MUC5AC: variants seen among roughly 807,000 people sequenced by gnomAD.
MUC5AC encodes mucin 5AC, oligomeric mucus/gel-forming.
In MUC5AC, 158 loss-of-function variants were observed where a neutral mutation model predicts 169.7. That is an observed-to-expected ratio of 0.93 (90% CI 0.82 to 1.06). The LOEUF (loss-of-function observed/expected upper bound fraction) is 1.06, where lower values mean the gene tolerates loss of function less well. Ranked by LOEUF, MUC5AC falls within the 50% of genes least tolerant of loss-of-function variation. The pLI, the probability that MUC5AC is intolerant of heterozygous loss-of-function variation, is 0.00. For synonymous variants in MUC5AC, 1,975 were observed against 1,237.0 expected (o/e 1.60, Z -12.52); for missense variants, 4,359 against 3,089.9 (o/e 1.41, Z -9.74).
In MUC5AC at chr11:1,165,704, A is replaced by G. The variant is rs1860302513; in HGVS notation, c.1330A>G (p.Thr444Ala). 1 of 1,612,468 alleles carries G rather than the reference A, an allele frequency of 6.2e-7. No homozygotes were observed. Reference sequence around the variant, plus strand: ...TGTGCTTGGAGGTGCCCACTTCTCAACGTTTGACGGGAAGCAATACACGGT... The same window carrying G: ...TGTGCTTGGAGGTGCCCACTTCTCAGCGTTTGACGGGAAGCAATACACGGT... ...CSVLGGAHFS[T>A]FDGKQYTVHG... The change falls in exon 11 of 49, where the codon ACG becomes GCG. Residue 444 changes from threonine to alanine, a missense_variant. Thr to Ala is a moderately conservative substitution (Grantham distance 58). Coordinates refer to ENST00000621226, the MANE Select transcript of MUC5AC (RefSeq NM_001304359.2).
intron 11 of MUC5AC, 25 bp downstream of exon 11, chr11:1,165,785 T>G (rs1860306001): frequency 6.2e-7 from 1 of 1,610,164 alleles, no homozygotes; most frequent in East Asian, 2.2e-5. Flanking sequence ...CCTGGGGTGC[T>G]CGCCGGACAG....
Position 1,189,400 on chromosome 11 carries a change from C to G in MUC5AC, c.11255C>G (p.Thr3752Arg). The change falls in exon 31 of 49, where the codon ACA becomes AGA. Residue 3752 changes from threonine (T) to arginine (R), a missense_variant. By Grantham distance (71) the Thr-to-Arg change is moderately conservative. Coordinates refer to ENST00000621226, the MANE Select transcript of MUC5AC (RefSeq NM_001304359.2). ...TSTISAPTTS[T>R]TSAPTASTTS... ...ACAATCTCTGCCCCTACAACCAGCA[C>G]AACCTCTGCTCCCACAGCCAGCACA... 2 of 577,424 alleles carry G rather than the reference C, an allele frequency of 3.5e-6. No homozygotes were observed. The highest frequency in any genetic ancestry group is 6.1e-6 in the Non-Finnish European group (2 of 325,950). The allele number at this position is 577,424 out of a possible 1,614,324, so 35.8% of individuals were successfully genotyped here.
In MUC5AC at chr11:1,185,222, CCCTACAACCAGCACAACCTCTGCT is replaced by C. The variant is rs1860908741; in HGVS notation, c.7101_7124del (p.Pro2368_Ala2375del). 1.7e-5 allele frequency: 12 copies of C among 720,636 alleles called. No individual in the cohort carries two copies. The highest frequency in any genetic ancestry group is 3.7e-5 in the African/African-American group (2 of 54,528). The allele number at this position is 720,636 out of a possible 1,614,324, so 44.6% of individuals were successfully genotyped here. On this transcript the variant is annotated inframe_deletion, in exon 31 of 49. Transcript: ENST00000621226. Reference sequence around the variant, plus strand: ...TTCCTACCACCAGCATAACCTCTGCCCCTACAACCAGCACAACCTCTGCTCCTACAACCAGCACAACCTCTGCCC... The same window carrying C: ...TTCCTACCACCAGCATAACCTCTGCCCCTACAACCAGCACAACCTCTGCCC...
At position 1,174,494 on chromosome 11, in the gene MUC5AC, A is replaced by C. The variant is rs1187969505; in HGVS notation, c.1966-2A>C. ...ATGCCCCGATGACCCCCTTCCCTGCAGAACTGCATGTTTGACACCTGCAAC... is the reference window on the plus strand; with the variant it reads ...ATGCCCCGATGACCCCCTTCCCTGCCGAACTGCATGTTTGACACCTGCAAC... On this transcript the variant is annotated splice_acceptor_variant, in intron 16 of 48. Coordinates refer to ENST00000621226, the MANE Select transcript of MUC5AC (RefSeq NM_001304359.2). LOFTEE classifies it high-confidence loss of function. The C allele has an allele frequency of 1.3e-6, 2 of 1,542,228 alleles. No homozygotes were observed. Among genetic ancestry groups the C allele is most frequent in the African/African-American group, 2.7e-5 (2 of 73,148 alleles).
chr11:1,199,919 G>A lies in MUC5AC; in HGVS notation c.16650G>A (p.Glu5550=), dbSNP rs761564347. The A allele has an allele frequency of 4.2e-5, 32 of 764,538 alleles. No homozygotes were observed. The South Asian group carries it at 4.3e-4, about 10-fold the overall frequency. The allele number at this position is 764,538 out of a possible 1,614,324, so 47.4% of individuals were successfully genotyped here. The part of the protein sequence containing the change: ...IIQQQGCSSS[E]PVRLAYCRGN... ...AGCAGCAGGGCTGCAGCTCCTCGGA[G>A]CCCGTGCGCCTGGCTTACTGCCGGG... Residue 5550 remains glutamate (E), a synonymous_variant, in exon 48 of 49, where the codon GAG becomes GAA. Coordinates refer to ENST00000621226, the MANE Select transcript of MUC5AC (RefSeq NM_001304359.2).
At chr11:1,171,890 C>T (rs1459529812) in intron 15 of MUC5AC, among the ~76,000 whole-genome samples, 1 of 116,646 alleles carries the variant, frequency 8.6e-6, no homozygotes, top group Non-Finnish European at 1.7e-5. Context: ...CACTCACCCA[C>T]TCGCTCACCC....
In MUC5AC at chr11:1,165,331, G is replaced by A. The variant is rs374295214; in HGVS notation, c.1159G>A (p.Gly387Ser). Residue 387 changes from glycine to serine, a missense_variant, in exon 10 of 49, where the codon GGC becomes AGC. Gly to Ser is a moderately conservative substitution (Grantham distance 56, BLOSUM62 0). Transcript: ENST00000621226. ...GGTGCTTGACGACATCGGCCAGACC[G>A]GCTGTGTCCCTGTGTCAAAGTGTGC... ...GTVLDDIGQT[G>S]CVPVSKCACV... is the part of the protein sequence containing the mutation. 2.4e-5 allele frequency: 39 copies of A among 1,612,134 alleles called. No individual in the cohort carries two copies. The highest frequency in any genetic ancestry group is 2.4e-4 in the African/African-American group (18 of 74,918).
In MUC5AC at chr11:1,158,003, A is replaced by C. The variant is rs1347423123; in HGVS notation, c.4A>C (p.Ser2Arg). Reference sequence around the variant, plus strand: ...ACTCTTCCCCGCCGTCCACACAATGAGTGTTGGCCGGAGGAAGCTGGCCCT... The same window carrying C: ...ACTCTTCCCCGCCGTCCACACAATGCGTGTTGGCCGGAGGAAGCTGGCCCT... Reference protein sequence around the residue: MSVGRRKLALLW... With the variant: MRVGRRKLALLW... Residue 2 changes from serine (S) to arginine (R), a missense_variant, in exon 1 of 49, where the codon AGT becomes CGT. By Grantham distance (110) the Ser-to-Arg change is moderately radical. Transcript: ENST00000621226. The C allele has an allele frequency of 5.6e-6, 9 of 1,598,044 alleles. No individual in the cohort carries two copies. Among genetic ancestry groups the C allele is most frequent in the Non-Finnish European group, 7.7e-6 (9 of 1,173,696 alleles).
Position 1,184,682 on chromosome 11 carries a change from C to T in MUC5AC, c.6537C>T (p.Gly2179=). 4 of 667,182 alleles carry T rather than the reference C, an allele frequency of 6.0e-6. No individual in the cohort carries two copies. Among genetic ancestry groups the T allele is most frequent in the Admixed American group, 4.4e-5 (2 of 45,012 alleles). 41.3% of individuals were successfully genotyped at this position (667,182 alleles called of 1,614,324 possible). The part of the protein sequence containing the change: ...SHPEVSIEHL[G]QVVQCSREEG... ...CAGAGGTGAGCATCGAACACCTGGG[C>T]CAGGTGGTGCAGTGCAGCCGGGAAG... Residue 2179 remains glycine (G), a synonymous_variant, in exon 31 of 49, where the codon GGC becomes GGT. Transcript: ENST00000621226.
chr11:1,165,939 G>C (rs1302650079), intron 11 of MUC5AC, among the ~76,000 whole-genome samples, 179 bp downstream of exon 11: 1 of 152,186 alleles, frequency 6.6e-6, no homozygotes, highest in Non-Finnish European at 1.5e-5. Flanking sequence ...ACAGGGCCAT[G>C]AAGGCTGCAG....
At chr11:1,160,726 C>A (rs1031150730) in intron 2 of MUC5AC, 37 bp downstream of exon 2, 10 of 1,578,516 alleles carry the variant, frequency 6.3e-6, no homozygotes, top group Non-Finnish European at 8.6e-6. Flanking sequence ...CTAAGCCTGT[C>A]AGATTCCACC....
chr11:1,164,085 G>A lies in MUC5AC; in HGVS notation c.790-21G>A, dbSNP rs371674944. ...CAGATCCCCCACCGAGGACTCAGACGGGCTGTGGCCTTTGTCCTAGGGCAT... is the reference window on the plus strand; with the variant it reads ...CAGATCCCCCACCGAGGACTCAGACAGGCTGTGGCCTTTGTCCTAGGGCAT... On this transcript the variant is annotated intron_variant, in intron 7 of 48. Coordinates refer to ENST00000621226, the MANE Select transcript of MUC5AC (RefSeq NM_001304359.2). 81 of 1,610,936 alleles carry A rather than the reference G, an allele frequency of 5.0e-5. 1 individual carries two copies. The highest frequency in any genetic ancestry group is 3.2e-4 in the South Asian group (29 of 91,060).
chr11:1,197,664 C>T (rs753899193), intron 41 of MUC5AC, 25 bp downstream of exon 41: 2 of 669,994 alleles, frequency 3.0e-6, no homozygotes, highest in East Asian at 2.7e-5. Context: ...GGGTGAGGGG[C>T]ATGGTGTGGC....
intron 23 of MUC5AC, 24 bp downstream of exon 23, chr11:1,177,368 T>A (rs1401107433): frequency 2.4e-6 from 1 of 424,982 alleles, no homozygotes; most frequent in Non-Finnish European, 4.2e-6. Flanking sequence ...GGTGGTCGCA[T>A]GCCCTCCAGG....
intron 1 of MUC5AC, 109 bp from the exon 2 acceptor site, chr11:1,160,503 A>C: frequency 1.1e-6 from 1 of 891,398 alleles, no homozygotes; most frequent in East Asian, 2.6e-5. Flanking sequence ...GGCCACCCCC[A>C]CGCACTGTGG....
chr11:1,165,487 C>A (rs897405315), intron 10 of MUC5AC, 68 bp downstream of exon 10: 3 of 1,583,560 alleles, frequency 1.9e-6, no homozygotes, highest in Non-Finnish European at 8.6e-7. Flanking sequence ...GGGTTGCAAC[C>A]CAGGCCGGCA....
Position 1,198,839 on chromosome 11 carries a change from A to G in MUC5AC, c.16174-35A>G, listed in dbSNP as rs548361846. On this transcript the variant is annotated intron_variant, in intron 43 of 48. Coordinates refer to ENST00000621226, the MANE Select transcript of MUC5AC (RefSeq NM_001304359.2). Reference sequence around the variant, plus strand: ...CAGGGGCGGGTCTCCCCAGGGCCCAAGCTCATGAGTGTCTGCTGCCCTGGC... The same window carrying G: ...CAGGGGCGGGTCTCCCCAGGGCCCAGGCTCATGAGTGTCTGCTGCCCTGGC... 21 of 704,678 alleles carry G rather than the reference A, an allele frequency of 3.0e-5. 1 individual carries two copies. Among genetic ancestry groups the G allele is most frequent in the African/African-American group, 5.2e-5 (3 of 57,592 alleles). The allele number at this position is 704,678 out of a possible 1,614,324, so 43.7% of individuals were successfully genotyped here.
At position 1,182,773 on chromosome 11, in the gene MUC5AC, C is replaced by T. The variant is rs1241566969; in HGVS notation, c.4628C>T (p.Pro1543Leu). ...VKKTFSTPSP[P>L]PVPATSTSSM... The stretch of plus-strand genomic sequence containing the variant: ...AAAACTTTCTCAACTCCCAGCCCTC[C>T]GCCAGTGCCGGCAACATCAACATCA... The change falls in exon 31 of 49, where the codon CCG becomes CTG. Residue 1543 changes from proline to leucine, a missense_variant. By Grantham distance (98) the Pro-to-Leu change is moderately conservative. Transcript: ENST00000621226. The T allele has an allele frequency of 5.5e-5, 22 of 398,176 alleles. No homozygotes were observed. The highest frequency in any genetic ancestry group is 2.3e-4 in the African/African-American group (11 of 48,556). 24.7% of individuals were successfully genotyped at this position (398,176 alleles called of 1,614,324 possible).
At chr11:1,200,002 A>G (rs1219875781) in intron 48 of MUC5AC, 33 bp downstream of exon 48, 1 of 725,994 alleles carries the variant, frequency 1.4e-6, no homozygotes, top group Non-Finnish European at 2.5e-6. Context: ...GGGAGACGCG[A>G]TTGGCTGTGG....
Sources: allele counts gnomAD v4.1 joint callset (sites outside exome capture counted in the v4.1 genomes callset), GRCh38; gene constraint gnomAD v4.1.1; transcripts MANE v1.5; gene names NCBI Gene and HGNC (gene_info 2026-07-23, HGNC 2026-07-21).